The following MAD1L1 variants were observed in gnomAD, a reference collection of about 807,000 sequenced individuals.
MAD1L1 encodes mitotic arrest deficient 1 like 1.
A neutral mutation model predicts 96.9 loss-of-function variants in MAD1L1; 95 were observed. The observed-to-expected ratio is 0.98, with a 90% CI of 0.83 to 1.16. The LOEUF (loss-of-function observed/expected upper bound fraction) is 1.16. Ranked by LOEUF, MAD1L1 falls within the 50% of genes most tolerant of loss-of-function variation. The pLI is 0.00. For synonymous variants in MAD1L1, 473 were observed against 396.6 expected (o/e 1.19, Z -2.29); for missense variants, 1,007 against 954.4 (o/e 1.06, Z -0.73).
At chr7:2,054,643 T>C (rs147041513) in intron 12 of MAD1L1, among the ~76,000 whole-genome samples, 30 of 152,280 alleles carry the variant, frequency 2.0e-4, no homozygotes, top group South Asian at 4.1e-4. Context: ...CACCTGGAAA[T>C]TAAATTCCAA....
At chr7:2,028,139 C>T (rs1341219909) in intron 12 of MAD1L1, among the ~76,000 whole-genome samples, 1 of 152,008 alleles carries the variant, frequency 6.6e-6, no homozygotes, top group Admixed American at 6.5e-5. Flanking sequence ...ATAAGTATGA[C>T]CTAAGGCCGG....
intron 18 of MAD1L1, among the ~76,000 whole-genome samples, chr7:1,869,137 C>T (rs1451533533): frequency 6.6e-6 from 1 of 152,130 alleles, no homozygotes; most frequent in African/African-American, 2.4e-5. Context: ...CAGGCACCAT[C>T]GCCCGCCCCC....
chr7:2,007,784 G>A (rs1392222151), intron 13 of MAD1L1, among the ~76,000 whole-genome samples: 3 of 152,244 alleles, frequency 2.0e-5, no homozygotes, highest in Non-Finnish European at 4.4e-5. Flanking sequence ...GATATTCACA[G>A]CAGCTCTGTC....
Position 2,108,157 on chromosome 7 carries a change from G to C in MAD1L1, c.1074-38819C>G, listed in dbSNP as rs185007654. Among the ~76,000 whole-genome samples the C allele has an allele frequency of 2.8e-4, 42 of 152,318 alleles. No individual in the cohort carries two copies. The East Asian group carries it at 5.4e-3, about 20-fold the overall frequency. On this transcript the variant is annotated intron_variant, in intron 11 of 18. Transcript: ENST00000265854. Reference sequence around the variant, plus strand: ...ATTCCCATCAGAAGAGAACAAACTTGGGGGCTGTAGCAAATGAATTCCGGT... The same window carrying C: ...ATTCCCATCAGAAGAGAACAAACTTCGGGGCTGTAGCAAATGAATTCCGGT...
At chr7:2,208,647 G>GC (rs1410614324) in intron 10 of MAD1L1, among the ~76,000 whole-genome samples, 1 of 152,134 alleles carries the variant, frequency 6.6e-6, no homozygotes, top group Non-Finnish European at 1.5e-5. Context: ...TACAGAGATG[G>GC]CCTGCACCCC....
rs1242098992 is a variant in MAD1L1 at position 2,069,348 on chromosome 7, A to G, written c.1074-10T>C. ...CTCCAGCCCCCGGGCGCTGCATGGG[A>G]GAGACAAGAGGGCAAAGCAATGAAG... On this transcript the variant is annotated splice_polypyrimidine_tract_variant and intron_variant, in intron 11 of 18. Coordinates refer to ENST00000265854, the MANE Select transcript of MAD1L1 (RefSeq NM_001013836.2). 1.3e-6 allele frequency: 2 copies of G among 1,577,936 alleles called. No individual in the cohort carries two copies. Among genetic ancestry groups the G allele is most frequent in the Non-Finnish European group, 1.7e-6 (2 of 1,168,016 alleles).
intron 12 of MAD1L1, among the ~76,000 whole-genome samples, chr7:2,040,231 A>C (rs1462732943): frequency 6.6e-6 from 1 of 152,244 alleles, no homozygotes; most frequent in Non-Finnish European, 1.5e-5. Context: ...CAACCTGAGT[A>C]GACCCACAGA....
At chr7:2,116,908 G>T (rs564633908) in intron 11 of MAD1L1, among the ~76,000 whole-genome samples, 1 of 152,198 alleles carries the variant, frequency 6.6e-6, no homozygotes, top group Non-Finnish European at 1.5e-5. Context: ...GAGGACAGTG[G>T]AGACAAAGAA....
chr7:1,914,699 G>A (rs1282308995), intron 17 of MAD1L1, among the ~76,000 whole-genome samples: 4 of 152,164 alleles, frequency 2.6e-5, no homozygotes, highest in Admixed American at 1.3e-4. Context: ...CTGTGGCCTT[G>A]ACCTCCCAGG....
intron 10 of MAD1L1, among the ~76,000 whole-genome samples, chr7:2,151,767 A>C (rs1031431313): frequency 1.4e-4 from 21 of 152,212 alleles, no homozygotes; most frequent in African/African-American, 5.1e-4. Flanking sequence ...GAGTGGTTCA[A>C]ATCAACTGAA....
chr7:1,972,511 A>T (rs935737235), intron 15 of MAD1L1, among the ~76,000 whole-genome samples: 10 of 152,130 alleles, frequency 6.6e-5, no homozygotes, highest in African/African-American at 2.4e-4. Context: ...CAGGGCCTGT[A>T]GTGATGGCCC....
chr7:1,840,352 C>A (rs548340026), intron 18 of MAD1L1, among the ~76,000 whole-genome samples: 1 of 152,216 alleles, frequency 6.6e-6, no homozygotes, highest in African/African-American at 2.4e-5. Context: ...CAGTGCGCCC[C>A]GGGGTATCTG....
chr7:2,102,846 A>G (rs940470628), intron 11 of MAD1L1, among the ~76,000 whole-genome samples: 2 of 152,140 alleles, frequency 1.3e-5, no homozygotes, highest in Non-Finnish European at 2.9e-5. Flanking sequence ...CGCCATCCTC[A>G]GCATGAGACG....
At position 1,968,089 on chromosome 7, in the gene MAD1L1, T is replaced by A. The variant is rs1443541855; in HGVS notation, c.1506-10370A>T. Among the ~76,000 whole-genome samples the A allele has an allele frequency of 1.3e-5, 2 of 152,206 alleles. No homozygotes were observed. Among genetic ancestry groups the A allele is most frequent in the African/African-American group, 4.8e-5 (2 of 41,452 alleles). On this transcript the variant is annotated intron_variant, in intron 15 of 18. Transcript: ENST00000265854. The surrounding 1 kb of genome is among the most constrained non-coding windows in gnomAD (Gnocchi z 5.6). ...CTCCACATCATACATGTAGAACTCA[T>A]CCCTCCAGAGGGGGAGCGTCGCCTG...
rs145761944 is a variant in MAD1L1 at position 1,887,504 on chromosome 7, T to C, written c.1998+10696A>G. The stretch of plus-strand genomic sequence containing the variant: ...GCCCGTGTGGGTGCATGTGTGCATG[T>C]ATGTGGCTGCCTGTGCGTGTGTGTC... On this transcript the variant is annotated intron_variant, in intron 18 of 18. Coordinates refer to ENST00000265854, the MANE Select transcript of MAD1L1 (RefSeq NM_001013836.2). 3.5e-3 allele frequency among the ~76,000 whole-genome samples: 534 copies of C among 151,802 alleles called. 2 individuals carry two copies. The highest frequency in any genetic ancestry group is 0.012 in the African/African-American group (505 of 41,346).
At chr7:1,916,478 C>T (rs934069563) in intron 17 of MAD1L1, among the ~76,000 whole-genome samples, 2 of 152,026 alleles carry the variant, frequency 1.3e-5, no homozygotes, top group Non-Finnish European at 2.9e-5. Flanking sequence ...GGGGACAGCA[C>T]GCTGGGCGGT....
At position 2,183,934 on chromosome 7, in the gene MAD1L1, T is replaced by G. The variant is rs964022650; in HGVS notation, c.986+29278A>C. 2.0e-5 allele frequency among the ~76,000 whole-genome samples: 3 copies of G among 151,366 alleles called. No individual in the cohort carries two copies. In the East Asian group the frequency reaches 5.8e-4, roughly 29 times the overall value. On this transcript the variant is annotated intron_variant, in intron 10 of 18. Coordinates refer to ENST00000265854, the MANE Select transcript of MAD1L1 (RefSeq NM_001013836.2). ...AAAAAAATAAAAATAAAAATAAAAATAAAAAACAAAGCTATTAAGCAAAAG... is the reference window on the plus strand; with the variant it reads ...AAAAAAATAAAAATAAAAATAAAAAGAAAAAACAAAGCTATTAAGCAAAAG...
intron 17 of MAD1L1, among the ~76,000 whole-genome samples, chr7:1,916,559 G>C (rs1425873124): frequency 6.6e-6 from 1 of 152,240 alleles, no homozygotes; most frequent in Non-Finnish European, 1.5e-5. Flanking sequence ...ACGCCCAGCA[G>C]ACAGTGAGCC....
At chr7:2,034,028 C>G (rs1305578189) in intron 12 of MAD1L1, among the ~76,000 whole-genome samples, 1 of 152,144 alleles carries the variant, frequency 6.6e-6, no homozygotes, top group African/African-American at 2.4e-5. Flanking sequence ...CCCTGGAGTT[C>G]AAGACTGCAG....
Sources: allele counts gnomAD v4.1 joint callset (sites outside exome capture counted in the v4.1 genomes callset), GRCh38; gene constraint gnomAD v4.1.1; non-coding constraint Gnocchi (gnomAD v3.1); transcripts MANE v1.5; gene names NCBI Gene and HGNC (gene_info 2026-07-23, HGNC 2026-07-21).